The following PPARGC1A variants were observed in gnomAD, a reference collection of about 807,000 sequenced individuals.
The protein encoded by PPARGC1A is peroxisome proliferator-activated receptor gamma coactivator 1-alpha.
A neutral mutation model predicts 88.7 loss-of-function variants in PPARGC1A; 25 were observed. That is an observed-to-expected ratio of 0.28 (90% CI 0.21 to 0.39). The LOEUF (loss-of-function observed/expected upper bound fraction) is 0.39. Ranked by LOEUF, PPARGC1A falls within the 10% of genes least tolerant of loss-of-function variation. The probability of loss-of-function intolerance (pLI) is 1.00; values close to 1 mark genes in which losing one functional copy is unlikely to be tolerated. For missense variants in PPARGC1A, 880 were observed against 968.7 expected, an observed-to-expected ratio of 0.91 and a Z score of 1.22; for synonymous variants, 363 against 355.6, an observed-to-expected ratio of 1.02 and a Z score of -0.24.
the PPARGC1A span, among the ~76,000 whole-genome samples, chr4:24,301,328 G>T: frequency 1.3e-5 from 2 of 152,034 alleles, no homozygotes; most frequent in African/African-American, 2.4e-5. Context: ...GATGAGAATT[G>T]AACTCTAGCT....
the PPARGC1A span, among the ~76,000 whole-genome samples, chr4:24,387,786 A>AAG: frequency 1.1e-5 from 1 of 92,640 alleles, no homozygotes; most frequent in Non-Finnish European, 2.3e-5. Context: ...GAAAGAAAGA[A>AAG]AGAAAGAAAG....
the PPARGC1A span, among the ~76,000 whole-genome samples, chr4:24,192,333 A>G: frequency 6.6e-6 from 1 of 152,200 alleles, no homozygotes; most frequent in African/African-American, 2.4e-5. Context: ...AATTGAGATG[A>G]TAATAATACG....
chr4:24,322,314 G>GA, the PPARGC1A span, among the ~76,000 whole-genome samples: 3 of 152,218 alleles, frequency 2.0e-5, no homozygotes, highest in Admixed American at 2.0e-4. Flanking sequence ...GAAAAGCACT[G>GA]GGTGAGAAAT....
At chr4:23,873,221 A>AAAAAG (rs1297257881) in intron 2 of PPARGC1A, among the ~76,000 whole-genome samples, 6 of 142,340 alleles carry the variant, frequency 4.2e-5, no homozygotes, top group African/African-American at 1.1e-4. Flanking sequence ...AAAAAATAAA[A>AAAAAG]AATAAAGAAA....
the PPARGC1A span, among the ~76,000 whole-genome samples, chr4:24,448,114 C>T: frequency 6.6e-6 from 1 of 152,242 alleles, no homozygotes; most frequent in Admixed American, 6.5e-5. Context: ...TTTTAAATCT[C>T]CCCTTTAACC....
intron 1 of PPARGC1A, among the ~76,000 whole-genome samples, chr4:23,898,008 A>C (rs1409185766): frequency 2.6e-5 from 4 of 152,236 alleles, no homozygotes; most frequent in Admixed American, 6.5e-5. Flanking sequence ...TTTAGAAAGA[A>C]GGGTGGATAT....
chr4:23,987,018 T>C, the PPARGC1A span, among the ~76,000 whole-genome samples: 4 of 152,074 alleles, frequency 2.6e-5, no homozygotes, highest in Non-Finnish European at 5.9e-5. Context: ...GTTGTAAAAG[T>C]AAATCCCCAG....
At chr4:23,833,647 T>TA (rs1261889827) in intron 2 of PPARGC1A, among the ~76,000 whole-genome samples, 2 of 152,234 alleles carry the variant, frequency 1.3e-5, no homozygotes, top group African/African-American at 4.8e-5. Flanking sequence ...GGCAGGCCTT[T>TA]ATCACGTATA....
At chr4:24,311,641 A>G in the PPARGC1A span, among the ~76,000 whole-genome samples, 1 of 151,758 alleles carries the variant, frequency 6.6e-6, no homozygotes, top group East Asian at 2.0e-4. Flanking sequence ...CTCCATCTCA[A>G]AAAAAATAAT....
intron 2 of PPARGC1A, among the ~76,000 whole-genome samples, chr4:23,873,982 AC>A (rs1462963970): frequency 6.6e-6 from 1 of 152,168 alleles, no homozygotes; most frequent in Non-Finnish European, 1.5e-5. Flanking sequence ...GAACCCATCA[AC>A]AGTAATATCA....
chr4:24,256,835 A>G, the PPARGC1A span, among the ~76,000 whole-genome samples: 4 of 152,134 alleles, frequency 2.6e-5, no homozygotes, highest in South Asian at 8.3e-4. Flanking sequence ...AGATCTCTGG[A>G]CTCTGAGATG....
the PPARGC1A span, among the ~76,000 whole-genome samples, chr4:24,190,432 A>G: frequency 6.6e-6 from 1 of 152,088 alleles, no homozygotes; most frequent in Non-Finnish European, 1.5e-5. Flanking sequence ...GGAGAATGGT[A>G]TGAACCCAGG....
the PPARGC1A span, among the ~76,000 whole-genome samples, chr4:24,341,191 T>C: frequency 6.6e-6 from 1 of 150,828 alleles, no homozygotes; most frequent in Non-Finnish European, 1.5e-5. Context: ...GATCATACTT[T>C]AGCAATTAAA....
At chr4:24,354,819 G>A in the PPARGC1A span, among the ~76,000 whole-genome samples, 37 of 152,052 alleles carry the variant, frequency 2.4e-4, no homozygotes, top group Non-Finnish European at 5.0e-4. Flanking sequence ...CCCGGGAGGC[G>A]GAGCTTGTAG....
chr4:24,291,172 C>T, the PPARGC1A span, among the ~76,000 whole-genome samples: 2 of 152,262 alleles, frequency 1.3e-5, no homozygotes, highest in South Asian at 4.2e-4. Context: ...ATTAGGTGCC[C>T]AGTGTCACTC....
chr4:24,470,538 A>G, the PPARGC1A span, among the ~76,000 whole-genome samples: 1 of 151,952 alleles, frequency 6.6e-6, no homozygotes, highest in Non-Finnish European at 1.5e-5. The surrounding 1 kb of genome is among the most constrained non-coding windows in gnomAD (Gnocchi z 5.8). Flanking sequence ...GTGCTTCTCC[A>G]GGCCCCCAGC....
the PPARGC1A span, among the ~76,000 whole-genome samples, chr4:23,910,922 C>T: frequency 6.6e-6 from 1 of 152,058 alleles, no homozygotes; most frequent in East Asian, 1.9e-4. Flanking sequence ...AGCCTGGTTC[C>T]AGAATTCATG....
chr4:23,901,028 C>T (rs1719278781), upstream of PPARGC1A, among the ~76,000 whole-genome samples: 1 of 151,164 alleles, frequency 6.6e-6, no homozygotes, highest in South Asian at 2.1e-4. Flanking sequence ...AGTTCGAGAC[C>T]AGCCTGACCA....
At chr4:24,289,788 C>A in the PPARGC1A span, among the ~76,000 whole-genome samples, 1 of 152,222 alleles carries the variant, frequency 6.6e-6, no homozygotes, top group Non-Finnish European at 1.5e-5. Context: ...CCACTTCCAG[C>A]TTTTTTTAAA....
Sources: allele counts gnomAD v4.1 joint callset (sites outside exome capture counted in the v4.1 genomes callset), GRCh38; gene constraint gnomAD v4.1.1; non-coding constraint Gnocchi (gnomAD v3.1); transcripts MANE v1.5; gene names NCBI Gene and HGNC (gene_info 2026-07-23, HGNC 2026-07-21).